SLC16A7: variants seen among roughly 807,000 people sequenced by gnomAD.
SLC16A7 encodes solute carrier family 16 member 7.
SLC16A7 carries 33 observed loss-of-function variants against 34.9 expected under a neutral mutation model. The observed-to-expected ratio is 0.94, with a 90% confidence interval of 0.72 to 1.26. The LOEUF (loss-of-function observed/expected upper bound fraction) is 1.26, where lower values mean the gene tolerates loss of function less well. SLC16A7 is among the 50% of genes most tolerant of loss of function. The pLI, the probability that SLC16A7 is intolerant of heterozygous loss-of-function variation, is 0.00. For missense variants in SLC16A7, 573 were observed against 578.1 expected (o/e 0.99, Z 0.09); for synonymous variants, 201 against 206.6 (o/e 0.97, Z 0.23).
intron 1 of SLC16A7, among the ~76,000 whole-genome samples, chr12:59,598,751 C>G (rs2136952296): frequency 6.6e-6 from 1 of 152,206 alleles, no homozygotes; most frequent in Non-Finnish European, 1.5e-5. Flanking sequence ...AATTGATTTC[C>G]ATTATTTGAG....
At chr12:59,670,549 G>A (rs1213542033) in intron 2 of SLC16A7, among the ~76,000 whole-genome samples, 1 of 152,138 alleles carries the variant, frequency 6.6e-6, no homozygotes, top group Non-Finnish European at 1.5e-5. Flanking sequence ...GGTGAGATTT[G>A]GGGTACAGCC....
chr12:59,716,307 C>T (rs907993209), intron 3 of SLC16A7, among the ~76,000 whole-genome samples: 2 of 152,070 alleles, frequency 1.3e-5, no homozygotes, highest in South Asian at 2.1e-4. Context: ...AGTGTGCATT[C>T]TTGGAAGGCT....
intron 3 of SLC16A7, among the ~76,000 whole-genome samples, chr12:59,721,280 C>T (rs1229127748): frequency 1.3e-5 from 2 of 152,006 alleles, no homozygotes; most frequent in African/African-American, 4.8e-5. Flanking sequence ...AGTAGAACTT[C>T]CACATACTTC....
intron 2 of SLC16A7, among the ~76,000 whole-genome samples, chr12:59,684,903 G>C (rs745358426): frequency 6.6e-6 from 1 of 152,116 alleles, no homozygotes; most frequent in Non-Finnish European, 1.5e-5. Flanking sequence ...AAGAAAAATG[G>C]ACACAATGAG....
intron 3 of SLC16A7, among the ~76,000 whole-genome samples, chr12:59,758,920 C>T (rs1405208104): frequency 2.0e-5 from 3 of 152,010 alleles, no homozygotes; most frequent in Non-Finnish European, 4.4e-5. Flanking sequence ...GTCTTGTTGC[C>T]ATTTTTAAGG....
intron 3 of SLC16A7, among the ~76,000 whole-genome samples, chr12:59,752,754 A>G (rs1379120925): frequency 1.3e-5 from 2 of 152,200 alleles, no homozygotes; most frequent in African/African-American, 4.8e-5. Flanking sequence ...AATACAGAGA[A>G]CGCCACAAAG....
Position 59,723,248 on chromosome 12 carries a change from C to A in SLC16A7, c.217+18230C>A, listed in dbSNP as rs1023548683. Among the ~76,000 whole-genome samples, 7 of 151,856 alleles carry A rather than the reference C, an allele frequency of 4.6e-5. 1 individual carries two copies. The highest frequency in any genetic ancestry group is 6.6e-5 in the Admixed American group (1 of 15,198). On this transcript the variant is annotated intron_variant, in intron 3 of 5. Transcript: ENST00000547379. Reference sequence around the variant, plus strand: ...AAAGACAATCCTAGTTCTTGCCCTGCCACTCAATAATGTGGTGATTTTTCA... The same window carrying A: ...AAAGACAATCCTAGTTCTTGCCCTGACACTCAATAATGTGGTGATTTTTCA...
Position 59,780,841 on chromosome 12 carries a change from C to A in SLC16A7, c.*1162C>A, listed in dbSNP as rs1883196723. ...TAAGCTCTCTCAGTTCCTTCCCTTCCACAAAATGCAAGAGCAAAAGCAAAC... is the reference window on the plus strand; with the variant it reads ...TAAGCTCTCTCAGTTCCTTCCCTTCAACAAAATGCAAGAGCAAAAGCAAAC... On this transcript the variant is annotated 3_prime_UTR_variant, in exon 6 of 6. Transcript: ENST00000547379. 1 of 152,058 alleles carries A rather than the reference C, an allele frequency of 6.6e-6. No individual in the cohort carries two copies. The highest frequency in any genetic ancestry group is 1.5e-5 in the Non-Finnish European group (1 of 68,038). 9.4% of individuals were successfully genotyped at this position (152,058 alleles called of 1,614,324 possible).
At chr12:59,625,706 G>A (rs1879896522) in intron 1 of SLC16A7, among the ~76,000 whole-genome samples, 1 of 151,774 alleles carries the variant, frequency 6.6e-6, no homozygotes, top group South Asian at 2.1e-4. Flanking sequence ...CACTTTATTT[G>A]ACCTGTGGTC....
At chr12:59,713,168 C>T (rs554321163) in intron 3 of SLC16A7, among the ~76,000 whole-genome samples, 2 of 152,032 alleles carry the variant, frequency 1.3e-5, no homozygotes, top group African/African-American at 4.8e-5. Context: ...TACAGGCACC[C>T]ACGACCACAC....
chr12:59,688,348 A>G (rs1266126889), intron 2 of SLC16A7, among the ~76,000 whole-genome samples: 1 of 152,078 alleles, frequency 6.6e-6, no homozygotes, highest in Admixed American at 6.6e-5. Context: ...AATGAAAGAT[A>G]GTAAGTTGGT....
At chr12:59,601,746 G>T (rs1447093228) in intron 1 of SLC16A7, among the ~76,000 whole-genome samples, 1 of 152,202 alleles carries the variant, frequency 6.6e-6, no homozygotes, top group African/African-American at 2.4e-5. Flanking sequence ...GTTGGTGAAG[G>T]CCTCTTCTGG....
intron 1 of SLC16A7, among the ~76,000 whole-genome samples, chr12:59,622,406 C>T (rs1879734250): frequency 1.3e-5 from 2 of 151,870 alleles, no homozygotes; most frequent in Admixed American, 1.3e-4. Context: ...GAATGAAGCA[C>T]CTCATGAATC....
intron 3 of SLC16A7, among the ~76,000 whole-genome samples, chr12:59,770,634 A>G (rs1592686005): frequency 6.6e-6 from 1 of 152,266 alleles, no homozygotes; most frequent in South Asian, 2.1e-4. Flanking sequence ...CTCTTGATGA[A>G]CCTATATTGG....
chr12:59,691,912 G>T (rs1871704516), intron 2 of SLC16A7, among the ~76,000 whole-genome samples: 1 of 151,950 alleles, frequency 6.6e-6, no homozygotes, highest in Non-Finnish European at 1.5e-5. Context: ...TAGTGCAGTT[G>T]CTTGGTTAAT....
At chr12:59,613,284 A>G (rs1879286180) in intron 1 of SLC16A7, among the ~76,000 whole-genome samples, 1 of 152,236 alleles carries the variant, frequency 6.6e-6, no homozygotes, top group East Asian at 1.9e-4. Context: ...ACTCACTATC[A>G]TGAGAAAAGC....
intron 1 of SLC16A7, among the ~76,000 whole-genome samples, chr12:59,610,704 G>T (rs1164008678): frequency 6.6e-6 from 1 of 152,206 alleles, no homozygotes; most frequent in Non-Finnish European, 1.5e-5. Context: ...CTAGCCCTCT[G>T]ATAGGAAACA....
intron 1 of SLC16A7, among the ~76,000 whole-genome samples, chr12:59,630,064 G>A (rs1880111006): frequency 6.6e-6 from 1 of 151,892 alleles, no homozygotes; most frequent in African/African-American, 2.4e-5. Flanking sequence ...GAACAAAGGA[G>A]TGAGAACTGG....
At chr12:59,612,275 G>A (rs533160281) in intron 1 of SLC16A7, among the ~76,000 whole-genome samples, 6 of 152,344 alleles carry the variant, frequency 3.9e-5, no homozygotes, top group South Asian at 2.1e-4. Context: ...GCAAAACCAC[G>A]TGTAAGACGC....
Sources: allele counts gnomAD v4.1 joint callset (sites outside exome capture counted in the v4.1 genomes callset), GRCh38; gene constraint gnomAD v4.1.1; transcripts MANE v1.5; gene names NCBI Gene and HGNC (gene_info 2026-07-23, HGNC 2026-07-21).